KALRN: variants seen among roughly 807,000 people sequenced by gnomAD.
KALRN encodes the protein kalirin RhoGEF kinase, also known as kalirin.
KALRN carries 70 observed loss-of-function variants against 353.7 expected under a neutral mutation model. The observed-to-expected ratio is 0.20, with a 90% CI of 0.16 to 0.24. The LOEUF is 0.24. KALRN is among the 10% of genes least tolerant of loss of function. KALRN has a pLI of 1.00. For synonymous variants in KALRN, 1,391 were observed against 1,434.8 expected, an observed-to-expected ratio of 0.97 and a Z score of 0.69; for missense variants, 2,791 against 3,756.7, an observed-to-expected ratio of 0.74 and a Z score of 6.72.
intron 10 of KALRN, among the ~76,000 whole-genome samples, chr3:124,351,532 TG>T (rs1338094274): frequency 6.6e-6 from 1 of 152,182 alleles, no homozygotes; most frequent in East Asian, 1.9e-4. Flanking sequence ...TCACAGCTCC[TG>T]GAAATTTGTC....
chr3:124,579,155 G>A (rs948226020), intron 34 of KALRN, among the ~76,000 whole-genome samples: 5 of 152,216 alleles, frequency 3.3e-5, no homozygotes, highest in Admixed American at 2.0e-4. Flanking sequence ...CTGAGGTCAT[G>A]GTCCAGTGTT....
chr3:124,625,694 A>G (rs1053622429), intron 34 of KALRN, among the ~76,000 whole-genome samples: 1 of 129,484 alleles, frequency 7.7e-6, no homozygotes, highest in African/African-American at 3.6e-5. Context: ...ACAATTATAT[A>G]TCTATTTATC....
chr3:124,560,629 A>G (rs1438672017), intron 33 of KALRN, among the ~76,000 whole-genome samples: 1 of 152,220 alleles, frequency 6.6e-6, no homozygotes, highest in African/African-American at 2.4e-5. Flanking sequence ...TGGGAGACTG[A>G]AGCGGGAGGA....
chr3:124,613,448 A>C (rs2078227327), intron 34 of KALRN, among the ~76,000 whole-genome samples: 1 of 152,214 alleles, frequency 6.6e-6, no homozygotes, highest in African/African-American at 2.4e-5. Flanking sequence ...TCTCAGGATT[A>C]GGCTCATGGC....
intron 10 of KALRN, 95 bp downstream of exon 10, chr3:124,347,360 C>T: frequency 1.6e-6 from 2 of 1,275,530 alleles, no homozygotes; most frequent in East Asian, 2.8e-5. Context: ...AGAGGTGGCT[C>T]AGGTGAGAAG....
intron 13 of KALRN, chr3:124,407,544 A>T (rs1014799685): frequency 1.3e-5 from 2 of 152,162 alleles, no homozygotes; most frequent in Non-Finnish European, 2.9e-5. Flanking sequence ...AAGTCTCAAT[A>T]CCAAATTGCA....
intron 14 of KALRN, among the ~76,000 whole-genome samples, chr3:124,414,470 G>C (rs1382938069): frequency 1.3e-5 from 2 of 152,196 alleles, no homozygotes; most frequent in East Asian, 3.8e-4. Context: ...AAACAGTGAT[G>C]ATAAAAATTT....
At chr3:124,168,059 C>T (rs1560130576) in intron 1 of KALRN, among the ~76,000 whole-genome samples, 1 of 152,168 alleles carries the variant, frequency 6.6e-6, no homozygotes, top group Non-Finnish European at 1.5e-5. Context: ...GATCATATTC[C>T]TGCTCTTTCT....
At chr3:124,565,271 C>A (rs907587624) in intron 34 of KALRN, among the ~76,000 whole-genome samples, 1 of 152,206 alleles carries the variant, frequency 6.6e-6, no homozygotes, top group Non-Finnish European at 1.5e-5. Flanking sequence ...GCTTTCCCCC[C>A]TGTCCTCTGA....
At chr3:124,267,738 G>C (rs2073731859) in intron 4 of KALRN, among the ~76,000 whole-genome samples, 1 of 152,216 alleles carries the variant, frequency 6.6e-6, no homozygotes, top group Non-Finnish European at 1.5e-5. Flanking sequence ...AAGACACAGA[G>C]AGATAAATTG....
intron 33 of KALRN, among the ~76,000 whole-genome samples, chr3:124,553,470 C>T (rs1193927911): frequency 6.6e-6 from 1 of 152,248 alleles, no homozygotes; most frequent in Non-Finnish European, 1.5e-5. Flanking sequence ...GCCTGGTTTC[C>T]TCTGAAGCTC....
At chr3:124,594,698 C>G (rs900223863) in intron 34 of KALRN, among the ~76,000 whole-genome samples, 1 of 152,188 alleles carries the variant, frequency 6.6e-6, no homozygotes, top group Non-Finnish European at 1.5e-5. Context: ...CAGACTAATT[C>G]TTGTCCTGGG....
chr3:124,705,109 T>A (rs2062535678), intron 57 of KALRN, among the ~76,000 whole-genome samples: 1 of 152,118 alleles, frequency 6.6e-6, no homozygotes, highest in Non-Finnish European at 1.5e-5. Flanking sequence ...CAGGCAACAA[T>A]GCAGTATAGA....
chr3:124,462,777 C>A, intron 25 of KALRN, 144 bp downstream of exon 25: 1 of 588,664 alleles, frequency 1.7e-6, no homozygotes, highest in Non-Finnish European at 3.0e-6. Flanking sequence ...CTTTTTTACT[C>A]ACTCCCCTTT....
At chr3:124,609,341 T>A (rs1578317868) in intron 34 of KALRN, among the ~76,000 whole-genome samples, 1 of 152,170 alleles carries the variant, frequency 6.6e-6, no homozygotes, top group Non-Finnish European at 1.5e-5. Flanking sequence ...GGGTGGGTGA[T>A]GTTATCAGCC....
chr3:124,659,017 T>C (rs1472515950), intron 42 of KALRN, among the ~76,000 whole-genome samples: 1 of 152,220 alleles, frequency 6.6e-6, no homozygotes, highest in Non-Finnish European at 1.5e-5. Context: ...CCTGGCTCCA[T>C]AGGCTTGTGT....
chr3:124,671,601 C>A, intron 47 of KALRN, 59 bp from the exon 48 acceptor site: 1 of 1,197,178 alleles, frequency 8.4e-7, no homozygotes, highest in Non-Finnish European at 1.2e-6. Context: ...ACCTAAGAGG[C>A]CTCCAAATCC....
intron 6 of KALRN, among the ~76,000 whole-genome samples, chr3:124,315,581 G>T (rs2149334869): frequency 6.6e-6 from 1 of 151,582 alleles, no homozygotes; most frequent in South Asian, 2.1e-4. Flanking sequence ...TGCTCTCTCA[G>T]GTCCTTTGTC....
In KALRN at chr3:124,689,492, C is replaced by A. The variant is rs12108112; in HGVS notation, c.7378-4312C>A. Among the ~76,000 whole-genome samples the A allele has an allele frequency of 5.9e-3, 905 of 152,320 alleles. 8 individuals carry two copies. The highest frequency in any genetic ancestry group is 0.021 in the African/African-American group (872 of 41,562). ...TACTGGGATTACAGGCGTGAGCAAC[C>A]ATACCCAGCCCACAACCACTATTTT... On this transcript the variant is annotated intron_variant, in intron 51 of 59. Coordinates refer to ENST00000682506, the MANE Select transcript of KALRN (RefSeq NM_001388419.1).
Sources: allele counts gnomAD v4.1 joint callset (sites outside exome capture counted in the v4.1 genomes callset), GRCh38; gene constraint gnomAD v4.1.1; transcripts MANE v1.5; gene names NCBI Gene and HGNC (gene_info 2026-07-23, HGNC 2026-07-21).